HMGA2: variants seen among roughly 807,000 people sequenced by gnomAD.
The protein encoded by HMGA2 is high mobility group protein HMGI-C.
HMGA2 carries 8 observed loss-of-function variants against 19.1 expected under a neutral mutation model. The ratio of observed to expected loss-of-function variants is 0.42; its 90% CI spans 0.25 to 0.76. HMGA2 has a LOEUF of 0.76. Among genes scored for constraint, HMGA2 ranks in the 30% least tolerant of loss-of-function variants. The probability of loss-of-function intolerance (pLI) is 0.28; values close to 1 mark genes in which losing one functional copy is unlikely to be tolerated. For missense variants in HMGA2, 109 were observed against 136.3 expected (o/e 0.80, Z 1.00); for synonymous variants, 60 against 48.8 (o/e 1.23, Z -0.96).
At chr12:65,961,807 G>A (rs1192596700) in intron 4 of HMGA2, among the ~76,000 whole-genome samples, 1 of 152,088 alleles carries the variant, frequency 6.6e-6, no homozygotes, top group South Asian at 2.1e-4. Flanking sequence ...CCATTCTTGT[G>A]GGGTTTTTTT....
At chr12:65,880,330 G>A (rs1334595995) in intron 3 of HMGA2, among the ~76,000 whole-genome samples, 2 of 152,170 alleles carry the variant, frequency 1.3e-5, no homozygotes, top group African/African-American at 4.8e-5. Flanking sequence ...AGAAGAGCAA[G>A]AAAACTTTGC....
intron 1 of HMGA2, among the ~76,000 whole-genome samples, chr12:65,827,760 T>C (rs1252098233): frequency 2.0e-5 from 3 of 152,222 alleles, no homozygotes; most frequent in African/African-American, 7.2e-5. Flanking sequence ...CCATTTTAGG[T>C]TTGAAGTAGA....
intron 3 of HMGA2, among the ~76,000 whole-genome samples, chr12:65,910,791 T>C (rs1423727698): frequency 5.3e-5 from 8 of 152,212 alleles, no homozygotes; most frequent in Non-Finnish European, 7.3e-5. Context: ...TTTGGTTTCT[T>C]ATATGTGTCC....
Position 65,825,162 on chromosome 12 carries a change from C to G in HMGA2, c.-109C>G. 2 of 947,732 alleles carry G rather than the reference C, an allele frequency of 2.1e-6. No individual in the cohort carries two copies. The highest frequency in any genetic ancestry group is 3.0e-6 in the Non-Finnish European group (2 of 666,474). The allele number at this position is 947,732 out of a possible 1,614,324, so 58.7% of individuals were successfully genotyped here. A position where few individuals can be genotyped will look rare whatever the true frequency, so the allele number is the denominator to read the frequency against. ...TCGCAGCCCGCCAGCTCGCGCTCGC[C>G]CCGCCGGCGTCCCCAGCCCTATCAC... is the stretch of plus-strand genomic sequence containing the variant. On this transcript the variant is annotated 5_prime_UTR_variant, in exon 1 of 5. Transcript: ENST00000403681. The surrounding 1 kb of genome is among the most constrained non-coding windows in gnomAD (Gnocchi z 4.4).
intron 3 of HMGA2, among the ~76,000 whole-genome samples, chr12:65,894,893 C>T (rs1253093554): frequency 6.6e-6 from 1 of 152,102 alleles, no homozygotes; most frequent in Non-Finnish European, 1.5e-5. Flanking sequence ...TATATGATTA[C>T]ATGGGCAAAT....
intron 3 of HMGA2, among the ~76,000 whole-genome samples, chr12:65,879,959 C>T (rs983590122): frequency 2.0e-5 from 3 of 152,192 alleles, no homozygotes; most frequent in Admixed American, 2.0e-4. Context: ...CATTAAAGTG[C>T]TATTCTATTC....
At chr12:65,838,449 T>C (rs1216087923) in intron 2 of HMGA2, 70 bp from the exon 3 acceptor site, 19 of 1,143,766 alleles carry the variant, frequency 1.7e-5, no homozygotes, top group Non-Finnish European at 2.5e-5. Context: ...ACTTCAAATG[T>C]GTCCCTTGGT....
chr12:65,863,378 G>A (rs994850137), intron 3 of HMGA2, among the ~76,000 whole-genome samples: 1 of 150,908 alleles, frequency 6.6e-6, no homozygotes, highest in Non-Finnish European at 1.5e-5. Flanking sequence ...GCAATGTCCC[G>A]GGTGTGTTTA....
chr12:65,834,340 A>G (rs554098693), intron 2 of HMGA2, among the ~76,000 whole-genome samples: 28 of 152,300 alleles, frequency 1.8e-4, no homozygotes, highest in African/African-American at 6.7e-4. Flanking sequence ...TGGTTCCCAA[A>G]TAATATCATG....
At chr12:65,858,113 T>A (rs188913668) in intron 3 of HMGA2, 1 of 152,642 alleles carries the variant, frequency 6.6e-6, no homozygotes, top group Non-Finnish European at 1.5e-5. Context: ...TCTAAGGAAA[T>A]GTCTTTTGCT....
At chr12:65,836,375 A>G (rs987802840) in intron 2 of HMGA2, among the ~76,000 whole-genome samples, 2 of 152,144 alleles carry the variant, frequency 1.3e-5, no homozygotes, top group East Asian at 1.9e-4. Context: ...AAAAAAAAAA[A>G]AAAAGAAAAA....
intron 3 of HMGA2, among the ~76,000 whole-genome samples, chr12:65,847,021 A>G (rs1324269848): frequency 6.6e-6 from 1 of 152,186 alleles, no homozygotes; most frequent in East Asian, 1.9e-4. Context: ...ATGACACACT[A>G]TTTGAATTTA....
chr12:65,942,976 C>G (rs550368568), intron 3 of HMGA2, among the ~76,000 whole-genome samples: 1 of 152,004 alleles, frequency 6.6e-6, no homozygotes, highest in Non-Finnish European at 1.5e-5. Context: ...TTCATTTTCC[C>G]TATTATAAAG....
intron 3 of HMGA2, chr12:65,851,559 G>A (rs913756100): frequency 3.9e-5 from 14 of 360,042 alleles, no homozygotes; most frequent in East Asian, 3.1e-4. Context: ...CTGTGGTGGC[G>A]GGCACCTGTA....
chr12:65,851,672 A>G (rs774800552), intron 3 of HMGA2: 14 of 444,978 alleles, frequency 3.1e-5, no homozygotes, highest in South Asian at 2.1e-4. Flanking sequence ...AACAACAACA[A>G]CAACAAAAAA....
At chr12:65,914,157 G>A (rs1190647091) in intron 3 of HMGA2, among the ~76,000 whole-genome samples, 6 of 152,058 alleles carry the variant, frequency 3.9e-5, no homozygotes, top group African/African-American at 1.2e-4. Context: ...ATACCCAAAT[G>A]ACTATGAATC....
At chr12:65,871,953 T>G (rs1322144545) in intron 3 of HMGA2, among the ~76,000 whole-genome samples, 1 of 152,214 alleles carries the variant, frequency 6.6e-6, no homozygotes, top group Non-Finnish European at 1.5e-5. Context: ...CTCCACTGCA[T>G]CATCACTTTC....
At position 65,825,156 on chromosome 12, in the gene HMGA2, G is replaced by T. The variant is rs1435000058; in HGVS notation, c.-115G>T. ...CAGCCCTCGCAGCCCGCCAGCTCGCGCTCGCCCCGCCGGCGTCCCCAGCCC... is the reference window on the plus strand; with the variant it reads ...CAGCCCTCGCAGCCCGCCAGCTCGCTCTCGCCCCGCCGGCGTCCCCAGCCC... On this transcript the variant is annotated 5_prime_UTR_variant, in exon 1 of 5. Coordinates refer to ENST00000403681, the MANE Select transcript of HMGA2 (RefSeq NM_003483.6). The surrounding 1 kb of genome is among the most constrained non-coding windows in gnomAD (Gnocchi z 4.4). 5.9e-6 allele frequency: 5 copies of T among 853,960 alleles called. No homozygotes were observed. Among genetic ancestry groups the T allele is most frequent in the African/African-American group, 3.6e-5 (2 of 56,082 alleles). The allele number at this position is 853,960 out of a possible 1,614,324, so 52.9% of individuals were successfully genotyped here.
intron 3 of HMGA2, among the ~76,000 whole-genome samples, chr12:65,910,127 G>T (rs1833010585): frequency 6.6e-6 from 1 of 152,100 alleles, no homozygotes; most frequent in South Asian, 2.1e-4. Flanking sequence ...TGAAGACGAG[G>T]CTCCTGTCCA....
Sources: gnomAD v4.1 joint callset for allele counts (sites outside exome capture counted in the v4.1 genomes callset) on GRCh38, gnomAD v4.1.1 for gene constraint, Gnocchi (gnomAD v3.1) non-coding constraint, MANE v1.5 for transcripts, NCBI Gene and HGNC (gene_info 2026-07-23, HGNC 2026-07-21) for gene names.